CCN4: variants seen among roughly 807,000 people sequenced by gnomAD.
CCN4 encodes the protein cellular communication network factor 4.
A neutral mutation model predicts 36.7 loss-of-function variants in CCN4; 30 were observed. The ratio of observed to expected loss-of-function variants is 0.82; its 90% CI spans 0.61 to 1.11. The LOEUF (loss-of-function observed/expected upper bound fraction) is 1.11, where lower values mean the gene tolerates loss of function less well. Ranked by LOEUF, CCN4 falls within the 50% of genes least tolerant of loss-of-function variation. The pLI is 0.00. For synonymous variants in CCN4, 191 were observed against 195.4 expected (o/e 0.98, Z 0.19); for missense variants, 505 against 504.9 (o/e 1.00, Z 0.00).
intron 4 of CCN4, among the ~76,000 whole-genome samples, chr8:133,226,422 A>G (rs748428432): frequency 1.8e-4 from 27 of 152,094 alleles, no homozygotes; most frequent in Non-Finnish European, 2.8e-4. Flanking sequence ...AGTCATCTAT[A>G]TATTGATCAA....
chr8:133,192,539 C>A (rs1853153044), intron 1 of CCN4, among the ~76,000 whole-genome samples: 1 of 152,172 alleles, frequency 6.6e-6, no homozygotes, highest in Non-Finnish European at 1.5e-5. Context: ...TGGCCAGGGC[C>A]CAAACTTAGA....
intron 1 of CCN4, among the ~76,000 whole-genome samples, chr8:133,194,721 ATG>A (rs1375960828): frequency 1.2e-4 from 2 of 17,022 alleles, no homozygotes; most frequent in Non-Finnish European, 1.9e-4. Flanking sequence ...GTGTGTGGGG[ATG>A]TGTGTAGTGT....
In CCN4 at chr8:133,191,098, G is replaced by C. The variant is rs201515187; in HGVS notation, c.-47G>C. The C allele has an allele frequency of 2.5e-6, 4 of 1,599,626 alleles. No individual in the cohort carries two copies. Among genetic ancestry groups the C allele is most frequent in the Non-Finnish European group, 3.4e-6 (4 of 1,177,678 alleles). On this transcript the variant is annotated 5_prime_UTR_variant, in exon 1 of 5. Transcript: ENST00000250160. ...GCCCAGCTCCCCCGAGAGGTGGTCG[G>C]ATCCTCTGGGCTGCTCGGTCGATGC...
rs951578560 is a variant in CCN4, at chr8:133,213,089, C to T, written c.295C>T (p.Leu99Phe). The T allele has an allele frequency of 3.1e-6, 5 of 1,613,976 alleles. No homozygotes were observed. In the African/African-American group the frequency reaches 6.7e-5, roughly 22 times the overall value. Residue 99 changes from leucine (L) to phenylalanine (F), a missense_variant, in exon 2 of 5, where the codon CTC becomes TTC. Transcript: ENST00000250160. ...EAAICDPHRG[L>F]YCDYSGDRPR... Reference sequence around the variant, plus strand: ...TGCCATCTGTGACCCCCACCGGGGCCTCTACTGTGACTACAGCGGGGACCG... The same window carrying T: ...TGCCATCTGTGACCCCCACCGGGGCTTCTACTGTGACTACAGCGGGGACCG...
intron 1 of CCN4, among the ~76,000 whole-genome samples, chr8:133,207,358 C>T (rs1853816880): frequency 6.6e-6 from 1 of 152,222 alleles, no homozygotes; most frequent in African/African-American, 2.4e-5. Flanking sequence ...GGGACAGGTA[C>T]CCCCACATGG....
At position 133,199,691 on chromosome 8, in the gene CCN4, C is replaced by T. The variant is rs547768033; in HGVS notation, c.69+8478C>T. 3.9e-5 allele frequency among the ~76,000 whole-genome samples: 6 copies of T among 152,322 alleles called. No homozygotes were observed. In the South Asian group the frequency reaches 1.2e-3, roughly 32 times the overall value. The stretch of plus-strand genomic sequence containing the variant: ...TATTTGTATTTAAATCTGTCGCCTA[C>T]ATACACATGCACACACGCACACACA... On this transcript the variant is annotated intron_variant, in intron 1 of 4. Coordinates refer to ENST00000250160, the MANE Select transcript of CCN4 (RefSeq NM_003882.4).
intron 3 of CCN4, among the ~76,000 whole-genome samples, chr8:133,222,604 CAT>C (rs1490525278): frequency 6.6e-6 from 1 of 151,368 alleles, no homozygotes; most frequent in African/African-American, 2.4e-5. Flanking sequence ...GGAATGCTGA[CAT>C]GTGAAGGGTG....
At chr8:133,215,618 C>T (rs568245609) in intron 2 of CCN4, among the ~76,000 whole-genome samples, 76 of 152,178 alleles carry the variant, frequency 5.0e-4, no homozygotes, top group African/African-American at 1.7e-3. Flanking sequence ...AAACCCCCTT[C>T]CCTGTCCTCC....
At chr8:133,196,052 G>A (rs1416756386) in intron 1 of CCN4, among the ~76,000 whole-genome samples, 1 of 152,222 alleles carries the variant, frequency 6.6e-6, no homozygotes, top group Non-Finnish European at 1.5e-5. Context: ...CACCGTGGAG[G>A]TTTCAAAGCA....
Position 133,191,169 on chromosome 8 carries a change from C to G in CCN4, c.25C>G (p.Leu9Val). 6.2e-7 allele frequency: 1 copy of G among 1,606,570 alleles called. No individual in the cohort carries two copies. The highest frequency in any genetic ancestry group is 1.1e-5 in the South Asian group (1 of 90,922). MRWFLPWT[L>V]AAVTAAAAST... ...CATGAGGTGGTTCCTGCCCTGGACG[C>G]TGGCAGCAGTGACAGCAGCAGCCGC... Residue 9 changes from leucine to valine, a missense_variant, in exon 1 of 5, where the codon CTG becomes GTG. Leu to Val is a conservative substitution (Grantham distance 32). Coordinates refer to ENST00000250160, the MANE Select transcript of CCN4 (RefSeq NM_003882.4).
intron 1 of CCN4, among the ~76,000 whole-genome samples, chr8:133,211,608 A>G (rs2130574026): frequency 6.6e-6 from 1 of 152,304 alleles, no homozygotes; most frequent in South Asian, 2.1e-4. Context: ...TGGAAAGCAG[A>G]TCTGTGATCC....
At chr8:133,200,656 TG>T (rs925801168) in intron 1 of CCN4, among the ~76,000 whole-genome samples, 2 of 152,224 alleles carry the variant, frequency 1.3e-5, no homozygotes, top group African/African-American at 4.8e-5. Flanking sequence ...TTTCTTGTTG[TG>T]TCTCAACCTT....
chr8:133,221,770 C>G (rs907814213), intron 3 of CCN4, among the ~76,000 whole-genome samples: 1 of 149,570 alleles, frequency 6.7e-6, no homozygotes, highest in African/African-American at 2.5e-5. Flanking sequence ...GATGAGTGGA[C>G]AGGTGGATGG....
chr8:133,220,851 G>A lies in CCN4; in HGVS notation c.610+10G>A, dbSNP rs777334610. 1.3e-6 allele frequency: 2 copies of A among 1,590,684 alleles called. No individual in the cohort carries two copies. The highest frequency in any genetic ancestry group is 1.1e-5 in the South Asian group (1 of 90,030). The stretch of plus-strand genomic sequence containing the variant: ...GACACAGGAGCCTTCGGTGGGTGTG[G>A]GCCCGAGTGGGCTGGGGGTGGGACC... On this transcript the variant is annotated intron_variant, in intron 3 of 4. Transcript: ENST00000250160.
intron 2 of CCN4, among the ~76,000 whole-genome samples, chr8:133,219,053 G>A (rs1394808399): frequency 6.6e-6 from 1 of 152,096 alleles, no homozygotes; most frequent in Non-Finnish European, 1.5e-5. Context: ...TCCCACCTGG[G>A]TCTCAGGGTG....
At chr8:133,199,035 G>C (rs1309345683) in intron 1 of CCN4, among the ~76,000 whole-genome samples, 2 of 152,256 alleles carry the variant, frequency 1.3e-5, no homozygotes, top group Non-Finnish European at 2.9e-5. Flanking sequence ...ATAGGAGATG[G>C]GGGAGGCTGG....
intron 1 of CCN4, among the ~76,000 whole-genome samples, chr8:133,211,777 C>T (rs1854046717): frequency 6.6e-6 from 1 of 152,210 alleles, no homozygotes. Context: ...ATGGCTTGCC[C>T]AGGAGAGGGA....
chr8:133,212,833 G>T, intron 1 of CCN4, 31 bp from the exon 2 acceptor site: 1 of 1,495,086 alleles, frequency 6.7e-7, no homozygotes, highest in Non-Finnish European at 9.0e-7. Context: ...TGTCTCAGCA[G>T]CCCCCCTTTC....
At chr8:133,222,607 G>A (rs1854575508) in intron 3 of CCN4, among the ~76,000 whole-genome samples, 1 of 151,656 alleles carries the variant, frequency 6.6e-6, no homozygotes, top group African/African-American at 2.4e-5. Flanking sequence ...ATGCTGACAT[G>A]TGAAGGGTGA....
Sources: allele counts gnomAD v4.1 joint callset (sites outside exome capture counted in the v4.1 genomes callset), GRCh38; gene constraint gnomAD v4.1.1; transcripts MANE v1.5; gene names NCBI Gene and HGNC (gene_info 2026-07-23, HGNC 2026-07-21).